The following CPA5 variants were observed in gnomAD, a reference collection of about 807,000 sequenced individuals.
CPA5 encodes testicular tissue protein Li 32.
In CPA5, 38 loss-of-function variants were observed where a neutral mutation model predicts 52.2. The ratio of observed to expected loss-of-function variants is 0.73; its 90% confidence interval spans 0.56 to 0.95. The LOEUF is 0.95. Among genes scored for constraint, CPA5 ranks in the 40% least tolerant of loss-of-function variants. CPA5 has a pLI of 0.00. For synonymous variants in CPA5, 198 were observed against 213.7 expected, an observed-to-expected ratio of 0.93 and a Z score of 0.64; for missense variants, 519 against 566.7, an observed-to-expected ratio of 0.92 and a Z score of 0.86.
intron 12 of CPA5, 125 bp from the exon 13 acceptor site, chr7:130,368,285 G>A: frequency 1.1e-6 from 1 of 877,556 alleles, no homozygotes; most frequent in Admixed American, 2.5e-5. Context: ...AGGAAGCCTG[G>A]TGTGGCCTGG....
At chr7:130,357,002 G>C (rs1380086101) in intron 5 of CPA5, among the ~76,000 whole-genome samples, 1 of 152,222 alleles carries the variant, frequency 6.6e-6, no homozygotes, top group Non-Finnish European at 1.5e-5. Context: ...CCTTTTGTTA[G>C]AGCTTCCCAG....
At chr7:130,371,620 C>T (rs182619914), downstream of CPA5, among the ~76,000 whole-genome samples, 154 of 150,770 alleles carry the variant, frequency 1.0e-3, 1 homozygote, top group African/African-American at 3.6e-3. Context: ...GCCCATGGTG[C>T]GATCTTGGCT....
Position 130,347,637 on chromosome 7 carries a change from T to C in CPA5, c.117-129T>C, listed in dbSNP as rs118057513. ...TCAGGGCTCCTTCAGCCTCCACTCATGCGGTGCCTCCTGGCCTCCCCGCCT... is the reference window on the plus strand; with the variant it reads ...TCAGGGCTCCTTCAGCCTCCACTCACGCGGTGCCTCCTGGCCTCCCCGCCT... On this transcript the variant is annotated intron_variant, in intron 3 of 12. Coordinates refer to ENST00000474905, the MANE Select transcript of CPA5 (RefSeq NM_080385.5). 15 of 697,568 alleles carry C rather than the reference T, an allele frequency of 2.2e-5. No individual in the cohort carries two copies. The Middle Eastern group carries it at 1.3e-3, about 59-fold the overall frequency. 43.2% of individuals were successfully genotyped at this position (697,568 alleles called of 1,614,324 possible).
At chr7:130,355,552 G>A (rs541722166) in intron 5 of CPA5, among the ~76,000 whole-genome samples, 14 of 152,168 alleles carry the variant, frequency 9.2e-5, no homozygotes, top group African/African-American at 2.7e-4. Flanking sequence ...GCTTACAGGC[G>A]CGCGCCACCA....
At chr7:130,350,256 T>C in intron 5 of CPA5, 147 bp downstream of exon 5, 1 of 839,466 alleles carries the variant, frequency 1.2e-6, no homozygotes, top group Non-Finnish European at 1.8e-6. Flanking sequence ...TGGAAGGAAG[T>C]GAGCCGCACG....
rs781908259 is a variant in CPA5, at chr7:130,367,422, C to T, written c.889C>T (p.Pro297Ser). 2 of 1,614,202 alleles carry T rather than the reference C, an allele frequency of 1.2e-6. No individual in the cohort carries two copies. The highest frequency in any genetic ancestry group is 1.7e-6 in the Non-Finnish European group (2 of 1,180,050). The part of the protein sequence containing the change: ...PCSETYHGPS[P>S]QSEPEVAAIV... ...CTCAGAAACTTATCACGGGCCCTCC[C>T]CTCAGTCGGAGCCGGAGGTGGCTGC... is the stretch of plus-strand genomic sequence containing the variant. Residue 297 changes from proline to serine, a missense_variant, in exon 11 of 13, where the codon CCT becomes TCT. By Grantham distance (74) the Pro-to-Ser change is moderately conservative. Coordinates refer to ENST00000474905, the MANE Select transcript of CPA5 (RefSeq NM_080385.5).
chr7:130,352,792 T>A (rs1795244634), intron 5 of CPA5, among the ~76,000 whole-genome samples: 1 of 151,740 alleles, frequency 6.6e-6, no homozygotes, highest in Non-Finnish European at 1.5e-5. Flanking sequence ...CCGAGCGAGC[T>A]CTATTTGCAT....
chr7:130,373,286 G>C (rs79009989), downstream of CPA5, among the ~76,000 whole-genome samples: 1 of 149,622 alleles, frequency 6.7e-6, no homozygotes. Context: ...GCTTGCTGGT[G>C]GTTTTTTTTT....
chr7:130,346,974 A>G (rs1554402392), intron 3 of CPA5, among the ~76,000 whole-genome samples: 2 of 152,178 alleles, frequency 1.3e-5, no homozygotes, highest in Admixed American at 1.3e-4. Context: ...ACCCCTACCA[A>G]AAATGGATGT....
At chr7:130,370,890 G>A (rs960002860), downstream of CPA5, among the ~76,000 whole-genome samples, 4 of 152,232 alleles carry the variant, frequency 2.6e-5, no homozygotes, top group Admixed American at 6.5e-5. Flanking sequence ...CTGCCTCCCG[G>A]GAAGAATATA....
intron 4 of CPA5, 86 bp downstream of exon 4, chr7:130,347,933 C>T (rs1217047418): frequency 9.9e-7 from 1 of 1,014,124 alleles, no homozygotes; most frequent in Non-Finnish European, 1.5e-6. Flanking sequence ...CCCTTTATCC[C>T]AAACCTGCCC....
intron 5 of CPA5, among the ~76,000 whole-genome samples, chr7:130,353,896 T>C (rs1277029752): frequency 6.6e-6 from 1 of 152,210 alleles, no homozygotes; most frequent in Admixed American, 6.5e-5. Flanking sequence ...CCAAAGCCCT[T>C]GCAATGGTCA....
At chr7:130,372,469 TC>T (rs765481360), downstream of CPA5, among the ~76,000 whole-genome samples, 125 of 152,336 alleles carry the variant, frequency 8.2e-4, no homozygotes, top group Non-Finnish European at 1.6e-3. Flanking sequence ...GGACAGTGAC[TC>T]CTGGGTATAC....
intron 6 of CPA5, 37 bp downstream of exon 6, chr7:130,359,724 T>TCTCCTGACTCAG: frequency 6.8e-7 from 1 of 1,459,880 alleles, no homozygotes; most frequent in South Asian, 1.2e-5. Flanking sequence ...CTCTCTTGTG[T>TCTCCTGACTCAG]CTTTGGGCCC....
At chr7:130,364,705 C>A (rs1218967499) in intron 10 of CPA5, among the ~76,000 whole-genome samples, 2 of 152,216 alleles carry the variant, frequency 1.3e-5, no homozygotes, top group African/African-American at 2.4e-5. Context: ...TACTTTATGA[C>A]CCTGGTGCAT....
Position 130,363,105 on chromosome 7 carries a change from A to C in CPA5, c.747+111A>C, listed in dbSNP as rs961159371. ...TCAGAGCCTCTTTGCAGAAGCCCTCACCAAGGGCAGGAGGGCTGCTCAGGT... is the reference window on the plus strand; with the variant it reads ...TCAGAGCCTCTTTGCAGAAGCCCTCCCCAAGGGCAGGAGGGCTGCTCAGGT... On this transcript the variant is annotated intron_variant, in intron 9 of 12. Coordinates refer to ENST00000474905, the MANE Select transcript of CPA5 (RefSeq NM_080385.5). The C allele has an allele frequency of 5.9e-6, 4 of 675,934 alleles. No individual in the cohort carries two copies. In the Admixed American group the frequency reaches 7.6e-5, roughly 13 times the overall value. 41.9% of individuals were successfully genotyped at this position (675,934 alleles called of 1,614,324 possible). A position where few individuals can be genotyped will look rare whatever the true frequency, so the allele number is the denominator to read the frequency against.
intron 5 of CPA5, among the ~76,000 whole-genome samples, chr7:130,355,744 G>A (rs1795441836): frequency 6.6e-6 from 1 of 152,196 alleles, no homozygotes; most frequent in African/African-American, 2.4e-5. Flanking sequence ...GATAAAGTAT[G>A]TGATAACATG....
chr7:130,362,103 A>G (rs1205269655), intron 7 of CPA5, among the ~76,000 whole-genome samples: 1 of 152,156 alleles, frequency 6.6e-6, no homozygotes, highest in African/African-American at 2.4e-5. Flanking sequence ...CCCCAGACCT[A>G]CTAAGTCAGA....
At chr7:130,357,484 G>A (rs1861879) in intron 5 of CPA5, among the ~76,000 whole-genome samples, 69,297 of 151,886 alleles carry the variant, frequency 0.46, 16,249 homozygotes, top group East Asian at 0.54. Context: ...TTAGCCAGGC[G>A]TGGTGGTGCA....
Sources: gnomAD v4.1 joint callset for allele counts (sites outside exome capture counted in the v4.1 genomes callset) on GRCh38, gnomAD v4.1.1 for gene constraint, MANE v1.5 for transcripts, NCBI Gene and HGNC (gene_info 2026-07-23, HGNC 2026-07-21) for gene names.